The following PADI6 variants were observed in gnomAD, a reference collection of about 807,000 sequenced individuals.
The protein encoded by PADI6 is inactive protein-arginine deiminase type-6.
In PADI6, 66 loss-of-function variants were observed where a neutral mutation model predicts 78.2. The ratio of observed to expected loss-of-function variants is 0.84; its 90% CI spans 0.69 to 1.04. PADI6 has a LOEUF of 1.04. PADI6 is among the 50% of genes least tolerant of loss of function. PADI6 has a pLI of 0.00. For missense variants in PADI6, 854 were observed against 866.1 expected, an observed-to-expected ratio of 0.99 and a Z score of 0.18; for synonymous variants, 397 against 346.9, an observed-to-expected ratio of 1.14 and a Z score of -1.60.
intron 4 of PADI6, 75 bp downstream of exon 4, chr1:17,380,062 C>T (rs917179276): frequency 1.6e-5 from 24 of 1,456,694 alleles, no homozygotes; most frequent in South Asian, 3.5e-5. Context: ...CTTGATCTGA[C>T]CTTCCTCGTG....
chr1:17,398,975 A>C lies in PADI6; in HGVS notation c.1851+128A>C, dbSNP rs918806348. ...CGGTACCTATGAGGAAATGGGAGGGAGACCCCTTCTCCCCCATCTCGGTTA... is the reference window on the plus strand; with the variant it reads ...CGGTACCTATGAGGAAATGGGAGGGCGACCCCTTCTCCCCCATCTCGGTTA... On this transcript the variant is annotated intron_variant, in intron 15 of 15. Transcript: ENST00000619609. 44 of 1,063,876 alleles carry C rather than the reference A, an allele frequency of 4.1e-5. No individual in the cohort carries two copies. In the South Asian group the frequency reaches 5.0e-4, roughly 12 times the overall value. The allele number at this position is 1,063,876 out of a possible 1,614,324, so 65.9% of individuals were successfully genotyped here.
Position 17,401,239 on chromosome 1 carries a change from T to C in PADI6, c.1886T>C (p.Ile629Thr), listed in dbSNP as rs758440398. 3.1e-6 allele frequency: 5 copies of C among 1,614,024 alleles called. No individual in the cohort carries two copies. The South Asian group carries it at 4.4e-5, about 14-fold the overall frequency. ...RMIVMGKNLG[I>T]PKPFGPQIKG... Reference sequence around the variant, plus strand: ...ATTGTGATGGGCAAGAACCTGGGGATCCCCAAGCCTTTTGGGCCCCAAATC... The same window carrying C: ...ATTGTGATGGGCAAGAACCTGGGGACCCCCAAGCCTTTTGGGCCCCAAATC... Residue 629 changes from isoleucine (I) to threonine (T), a missense_variant, in exon 16 of 16, where the codon ATC becomes ACC. Ile to Thr is a moderately conservative substitution (Grantham distance 89, BLOSUM62 -1). Coordinates refer to ENST00000619609, the MANE Select transcript of PADI6 (RefSeq NM_207421.4).
intron 4 of PADI6, 79 bp from the exon 5 acceptor site, chr1:17,380,968 C>CAGCCAAG (rs2075066812): frequency 1.6e-6 from 2 of 1,215,468 alleles, no homozygotes; most frequent in East Asian, 5.1e-5. Flanking sequence ...TGGCTGGGCC[C>CAGCCAAG]CTCTGCTATG....
chr1:17,396,989 TG>T, intron 13 of PADI6, 81 bp from the exon 14 acceptor site: 1 of 1,400,700 alleles, frequency 7.1e-7, no homozygotes. Flanking sequence ...CCCAGGTGGC[TG>T]GGCCTGGCCC....
At chr1:17,385,615 GGTC>G (rs989357005) in intron 6 of PADI6, among the ~76,000 whole-genome samples, 9 of 152,260 alleles carry the variant, frequency 5.9e-5, no homozygotes, top group African/African-American at 2.2e-4. Flanking sequence ...ATTGAAATAA[GGTC>G]GTCGAAGAGA....
intron 1 of PADI6, 51 bp downstream of exon 1, chr1:17,372,412 C>T (rs2074971198): frequency 6.5e-7 from 1 of 1,532,808 alleles, no homozygotes; most frequent in Non-Finnish European, 9.0e-7. Flanking sequence ...GGCAGGCAGG[C>T]CTGGGACCCA....
At chr1:17,374,189 G>A (rs953047780) in intron 2 of PADI6, among the ~76,000 whole-genome samples, 4 of 151,996 alleles carry the variant, frequency 2.6e-5, no homozygotes, top group African/African-American at 9.7e-5. Context: ...TTCAGGACTG[G>A]GAGAGCTCTC....
At chr1:17,386,115 A>AG (rs1302902793) in intron 6 of PADI6, among the ~76,000 whole-genome samples, 1 of 152,074 alleles carries the variant, frequency 6.6e-6, no homozygotes, top group African/African-American at 2.4e-5. Context: ...GACTGAGGGC[A>AG]GGGAGGGCCT....
intron 8 of PADI6, among the ~76,000 whole-genome samples, chr1:17,389,986 A>AGC (rs2075166247): frequency 6.6e-6 from 1 of 152,196 alleles, no homozygotes; most frequent in African/African-American, 2.4e-5. Context: ...GGAATGCTCT[A>AGC]GCAGGGATGG....
Position 17,393,003 on chromosome 1 carries a change from G to A in PADI6, c.1074+778G>A, listed in dbSNP as rs565619609. On this transcript the variant is annotated intron_variant, in intron 9 of 15. Transcript: ENST00000619609. ...TACTAAAAAAATACAAAAATCAGCCGGGCATGGTGGCGCGCGCCTGTAGTC... is the reference window on the plus strand; with the variant it reads ...TACTAAAAAAATACAAAAATCAGCCAGGCATGGTGGCGCGCGCCTGTAGTC... Among the ~76,000 whole-genome samples, 80 of 152,170 alleles carry A rather than the reference G, an allele frequency of 5.3e-4. No individual in the cohort carries two copies. In the Middle Eastern group the frequency reaches 0.024, roughly 45 times the overall value.
chr1:17,385,099 C>T (rs973877848), intron 6 of PADI6, among the ~76,000 whole-genome samples: 3 of 152,124 alleles, frequency 2.0e-5, no homozygotes, highest in African/African-American at 7.2e-5. Context: ...GTGGCTCACA[C>T]CTGTAATCCC....
At chr1:17,384,163 C>T (rs1478273541) in intron 6 of PADI6, among the ~76,000 whole-genome samples, 1 of 151,890 alleles carries the variant, frequency 6.6e-6, no homozygotes, top group African/African-American at 2.4e-5. Flanking sequence ...ACTTAAAAAT[C>T]AGGGTAGGGC....
chr1:17,398,653 C>T lies in PADI6; in HGVS notation c.1690-33C>T, dbSNP rs780952371. Reference sequence around the variant, plus strand: ...TCCTGATGAGCTCTCCTTGCTCCCCCGCCCCCCCCCCCACCCACCCACCCA... The same window carrying T: ...TCCTGATGAGCTCTCCTTGCTCCCCTGCCCCCCCCCCCACCCACCCACCCA... On this transcript the variant is annotated intron_variant, in intron 14 of 15. Transcript: ENST00000619609. 5.2e-3 allele frequency: 699 copies of T among 135,060 alleles called. 11 individuals are homozygous for T. Among genetic ancestry groups the T allele is most frequent in the Admixed American group, 8.6e-3 (90 of 10,444 alleles). The allele number at this position is 135,060 out of a possible 1,614,324, so 8.4% of individuals were successfully genotyped here. A position where few individuals can be genotyped will look rare whatever the true frequency, so the allele number is the denominator to read the frequency against.
intron 15 of PADI6, among the ~76,000 whole-genome samples, chr1:17,399,219 A>G (rs1485699453): frequency 2.0e-5 from 3 of 152,190 alleles, no homozygotes; most frequent in Admixed American, 6.5e-5. Flanking sequence ...GCCTTGAGCA[A>G]CCTACCTCAG....
intron 3 of PADI6, among the ~76,000 whole-genome samples, chr1:17,379,601 C>G (rs1391203621): frequency 2.0e-5 from 3 of 152,046 alleles, no homozygotes; most frequent in Admixed American, 1.3e-4. Context: ...TTCCAGAAGA[C>G]TAGAGAGGTA....
rs116274086 is a variant in PADI6, at chr1:17,401,145, C to T, written c.1852-60C>T. On this transcript the variant is annotated intron_variant, in intron 15 of 15. Transcript: ENST00000619609. Reference sequence around the variant, plus strand: ...GTCTGACCGCAGAGAGGCAGGTGGGCGGCTGGCTTTCAGGCCTCTGATCCC... The same window carrying T: ...GTCTGACCGCAGAGAGGCAGGTGGGTGGCTGGCTTTCAGGCCTCTGATCCC... 4.7e-4 allele frequency: 706 copies of T among 1,512,274 alleles called. 2 individuals are homozygous for T. In the African/African-American group the frequency reaches 8.3e-3, roughly 18 times the overall value. 93.7% of individuals were successfully genotyped at this position (1,512,274 alleles called of 1,614,324 possible). A position where few individuals can be genotyped will look rare whatever the true frequency, so the allele number is the denominator to read the frequency against.
intron 5 of PADI6, 138 bp from the exon 6 acceptor site, chr1:17,381,829 C>T (rs563442299): frequency 2.0e-5 from 19 of 949,868 alleles, no homozygotes; most frequent in Middle Eastern, 4.6e-4. Context: ...GGTAATTCTT[C>T]GGGCCTGGGC....
At chr1:17,387,261 T>C (rs1224457094) in intron 6 of PADI6, among the ~76,000 whole-genome samples, 2 of 151,458 alleles carry the variant, frequency 1.3e-5, no homozygotes, top group African/African-American at 2.4e-5. Context: ...CTGGGCAATG[T>C]GGTAAAACCC....
chr1:17,387,613 G>T (rs111558767), intron 6 of PADI6, among the ~76,000 whole-genome samples: 1 of 152,204 alleles, frequency 6.6e-6, no homozygotes, highest in East Asian at 1.9e-4. Flanking sequence ...TTAGCCAGGC[G>T]TGTGGTGGTA....
Sources: gnomAD v4.1 joint callset for allele counts (sites outside exome capture counted in the v4.1 genomes callset) on GRCh38, gnomAD v4.1.1 for gene constraint, MANE v1.5 for transcripts, NCBI Gene and HGNC (gene_info 2026-07-23, HGNC 2026-07-21) for gene names.